PLSCR2: variants seen among roughly 807,000 people sequenced by gnomAD.
The protein encoded by PLSCR2 is phospholipid scramblase 2, also known as PL scramblase 2.
PLSCR2 carries 18 observed loss-of-function variants against 25.3 expected under a neutral mutation model. That is an observed-to-expected ratio of 0.71 (90% CI 0.49 to 1.06). The LOEUF (loss-of-function observed/expected upper bound fraction) is 1.06, where lower values mean the gene tolerates loss of function less well. Ranked by LOEUF, PLSCR2 falls within the 50% of genes least tolerant of loss-of-function variation. The pLI is 0.00. For synonymous variants in PLSCR2, 88 were observed against 87.3 expected (o/e 1.01, Z -0.04); for missense variants, 243 against 269.5 (o/e 0.90, Z 0.69).
chr3:146,421,204 T>G (rs1416494374), intron 2 of PLSCR2, among the ~76,000 whole-genome samples: 1 of 152,074 alleles, frequency 6.6e-6, no homozygotes, highest in Non-Finnish European at 1.5e-5. Context: ...TCTGCATCTA[T>G]GTTGTTTATT....
At chr3:146,492,330 CACA>C (rs1251924951) in intron 1 of PLSCR2, among the ~76,000 whole-genome samples, 3 of 152,130 alleles carry the variant, frequency 2.0e-5, no homozygotes, top group Non-Finnish European at 2.9e-5. Flanking sequence ...GAATAATCCA[CACA>C]ACAACGACAG....
At chr3:146,445,716 T>A (rs2040513649) in intron 6 of PLSCR2, among the ~76,000 whole-genome samples, 1 of 152,196 alleles carries the variant, frequency 6.6e-6, no homozygotes, top group Non-Finnish European at 1.5e-5. Context: ...TCTGTTATTA[T>A]CCCCTTGAAT....
chr3:146,395,050 C>T (rs2107975726), intron 3 of PLSCR2, among the ~76,000 whole-genome samples: 1 of 152,316 alleles, frequency 6.6e-6, no homozygotes, highest in Non-Finnish European at 1.5e-5. Context: ...TCAGTCAAAC[C>T]TCTTTCCTCT....
At chr3:146,420,259 A>G (rs540217357) in intron 2 of PLSCR2, among the ~76,000 whole-genome samples, 1 of 152,182 alleles carries the variant, frequency 6.6e-6, no homozygotes, top group Non-Finnish European at 1.5e-5. Flanking sequence ...TAAAATAATC[A>G]ACATATGTAG....
At chr3:146,403,605 G>A (rs1250882453) in intron 2 of PLSCR2, among the ~76,000 whole-genome samples, 1 of 151,940 alleles carries the variant, frequency 6.6e-6, no homozygotes, top group Non-Finnish European at 1.5e-5. Context: ...TCTCTCCTTT[G>A]AATTTCCACA....
chr3:146,421,470 T>C (rs1161210965), intron 2 of PLSCR2, among the ~76,000 whole-genome samples: 1 of 152,042 alleles, frequency 6.6e-6, no homozygotes, highest in Admixed American at 6.6e-5. Context: ...AAAAGGACTA[T>C]AGACATAAAC....
rs141467943 is a variant in PLSCR2, at chr3:146,418,243, T to C, written c.101-22322A>G. 9.1e-4 allele frequency among the ~76,000 whole-genome samples: 139 copies of C among 152,302 alleles called. 1 individual carries two copies. Among genetic ancestry groups the C allele is most frequent in the African/African-American group, 3.2e-3 (135 of 41,590 alleles). The stretch of plus-strand genomic sequence containing the variant: ...TTCTTTCTTGGTTCCCCTAAAGGAC[T>C]AGCTATCTCACATGCAAAGTATATA... On this transcript the variant is annotated intron_variant and NMD_transcript_variant, in intron 2 of 3. Coordinates refer to the PLSCR2 transcript ENST00000463633.
chr3:146,393,616 C>T (rs1050658001), intron 3 of PLSCR2, among the ~76,000 whole-genome samples: 20 of 151,674 alleles, frequency 1.3e-4, no homozygotes, highest in African/African-American at 4.4e-4. Flanking sequence ...TGAGACCATC[C>T]TGGCCAACAT....
chr3:146,393,341 G>A (rs527464318), intron 3 of PLSCR2, among the ~76,000 whole-genome samples: 50 of 151,366 alleles, frequency 3.3e-4, no homozygotes, highest in Non-Finnish European at 6.5e-4. Flanking sequence ...ATTTCTATAT[G>A]TATAAAACAT....
At chr3:146,432,523 A>AT (rs2039583491), downstream of PLSCR2, among the ~76,000 whole-genome samples, 1 of 152,332 alleles carries the variant, frequency 6.6e-6, no homozygotes, top group Non-Finnish European at 1.5e-5. Context: ...CTAAGACACC[A>AT]TATCTGTATA....
intron 6 of PLSCR2, among the ~76,000 whole-genome samples, chr3:146,446,346 T>G (rs552035723): frequency 3.9e-5 from 6 of 152,296 alleles, no homozygotes; most frequent in African/African-American, 1.4e-4. Flanking sequence ...TCTAAGTTTT[T>G]GGTTACTGCA....
At chr3:146,416,759 G>C (rs189018547) in intron 2 of PLSCR2, among the ~76,000 whole-genome samples, 1 of 152,164 alleles carries the variant, frequency 6.6e-6, no homozygotes, top group East Asian at 1.9e-4. Context: ...CTTTTATTTT[G>C]TAAATTGTTT....
At chr3:146,486,838 C>A (rs948808319) in intron 1 of PLSCR2, among the ~76,000 whole-genome samples, 2 of 152,018 alleles carry the variant, frequency 1.3e-5, no homozygotes, top group Non-Finnish European at 2.9e-5. Context: ...ACCCTGATAC[C>A]AAAACTTGGC....
chr3:146,493,948 G>A (rs2043653038), intron 1 of PLSCR2, among the ~76,000 whole-genome samples: 1 of 151,922 alleles, frequency 6.6e-6, no homozygotes, highest in Non-Finnish European at 1.5e-5. Context: ...ATCTTTAGGT[G>A]GAATTTTTCT....
downstream of PLSCR2, among the ~76,000 whole-genome samples, chr3:146,432,623 T>C (rs1014640911): frequency 2.0e-5 from 3 of 152,174 alleles, no homozygotes; most frequent in Non-Finnish European, 2.9e-5. Flanking sequence ...AGGACAAAAA[T>C]ACTTTTATAG....
chr3:146,466,176 T>A lies in PLSCR2; in HGVS notation c.-292-5892A>T, dbSNP rs542142278. ...TTTTACAGTTTTGTTTGTTTGTTTG[T>A]CTTTTGGTTTTATTGAGACAGAGTC... is the stretch of plus-strand genomic sequence containing the variant. On this transcript the variant is annotated intron_variant, in intron 1 of 8. Coordinates refer to the PLSCR2 transcript ENST00000336685. Among the ~76,000 whole-genome samples, 4 of 152,334 alleles carry A rather than the reference T, an allele frequency of 2.6e-5. No homozygotes were observed. The South Asian group carries it at 8.3e-4, about 32-fold the overall frequency.
downstream of PLSCR2, among the ~76,000 whole-genome samples, chr3:146,440,409 G>A (rs2040163012): frequency 1.3e-5 from 2 of 152,256 alleles, no homozygotes. Flanking sequence ...TCCTTGAGCT[G>A]CAGTGGGCTC....
At chr3:146,408,909 T>C (rs1322960933) in intron 2 of PLSCR2, among the ~76,000 whole-genome samples, 1 of 151,982 alleles carries the variant, frequency 6.6e-6, no homozygotes, top group Non-Finnish European at 1.5e-5. Flanking sequence ...AAAGACCTCC[T>C]CAAGGAGGTC....
intron 8 of PLSCR2, among the ~76,000 whole-genome samples, chr3:146,434,184 T>C (rs1373270888): frequency 6.6e-6 from 1 of 152,138 alleles, no homozygotes; most frequent in African/African-American, 2.4e-5. Flanking sequence ...TATGTCAGGA[T>C]AACATATCTC....
Sources: allele counts gnomAD v4.1 joint callset (sites outside exome capture counted in the v4.1 genomes callset), GRCh38; gene constraint gnomAD v4.1.1; transcripts MANE v1.5; gene names NCBI Gene and HGNC (gene_info 2026-07-23, HGNC 2026-07-21).